Variants in MSRA observed in about 807,000 individuals in gnomAD.
MSRA encodes mitochondrial peptide methionine sulfoxide reductase.
Under a neutral mutation model 31.3 loss-of-function variants are expected in MSRA, and 54 were observed. The observed-to-expected ratio is 1.73, with a 90% confidence interval of 1.39 to 2.17. MSRA has a LOEUF of 2.17. MSRA is among the 30% of genes most tolerant of loss of function. The probability of loss-of-function intolerance (pLI) is 0.00; values close to 1 mark genes in which losing one functional copy is unlikely to be tolerated. For missense variants in MSRA, 507 were observed against 300.9 expected (o/e 1.69, Z -5.07); for synonymous variants, 169 against 116.5 (o/e 1.45, Z -2.90).
intron 5 of MSRA, among the ~76,000 whole-genome samples, chr8:10,421,513 C>T (rs957104303): frequency 6.6e-6 from 1 of 151,916 alleles, no homozygotes; most frequent in African/African-American, 2.4e-5. Flanking sequence ...GAGCGTGTCA[C>T]CTCCATGTAA....
chr8:10,246,514 AAC>A (rs551517749), intron 3 of MSRA, among the ~76,000 whole-genome samples: 321 of 152,344 alleles, frequency 2.1e-3, no homozygotes, highest in Non-Finnish European at 3.2e-3. Context: ...GTAAAATGTA[AAC>A]AGTTTTATCT....
intron 5 of MSRA, among the ~76,000 whole-genome samples, chr8:10,381,370 G>A (rs1256147148): frequency 1.3e-5 from 2 of 152,164 alleles, no homozygotes; most frequent in Non-Finnish European, 2.9e-5. Flanking sequence ...TAGCCAGGAA[G>A]TTTTTGGTTT....
rs117842201 is a variant in MSRA, at chr8:10,076,064, G to T, written c.142+21406G>T. 6.5e-3 allele frequency among the ~76,000 whole-genome samples: 966 copies of T among 149,686 alleles called. 30 individuals are homozygous for T. In the South Asian group the frequency reaches 0.1, roughly 15 times the overall value. ...CACAGGGACTTCACGTCTGGACTGC[G>T]AGTCAGAGCTGTGCGTCATGTGCTT... On this transcript the variant is annotated intron_variant, in intron 1 of 5. Transcript: ENST00000317173.
At chr8:10,241,339 A>C (rs923864501) in intron 2 of MSRA, among the ~76,000 whole-genome samples, 4 of 152,172 alleles carry the variant, frequency 2.6e-5, no homozygotes, top group Admixed American at 2.6e-4. Context: ...AGAAGGAGCC[A>C]ATTTGAAGAG....
intron 1 of MSRA, among the ~76,000 whole-genome samples, chr8:10,161,245 T>A (rs1418453070): frequency 6.6e-6 from 1 of 152,192 alleles, no homozygotes; most frequent in Non-Finnish European, 1.5e-5. Context: ...TGAGAATATT[T>A]ATATAATTAA....
intron 1 of MSRA, among the ~76,000 whole-genome samples, chr8:10,056,297 C>G (rs1024321810): frequency 6.6e-6 from 1 of 150,662 alleles, no homozygotes; most frequent in African/African-American, 2.4e-5. Flanking sequence ...TTTACTTTGG[C>G]TTTATCTTAA....
chr8:10,235,522 A>C (rs1259985261), intron 2 of MSRA, among the ~76,000 whole-genome samples: 2 of 152,158 alleles, frequency 1.3e-5, no homozygotes, highest in African/African-American at 2.4e-5. Flanking sequence ...AAACTGCAAA[A>C]CAAGATAATA....
At chr8:10,106,350 C>G (rs1394104882) in intron 1 of MSRA, among the ~76,000 whole-genome samples, 3 of 152,168 alleles carry the variant, frequency 2.0e-5, no homozygotes, top group Admixed American at 2.0e-4. Flanking sequence ...CATTGGCTAG[C>G]TTTGATATTT....
At chr8:10,398,388 G>C (rs2129182772) in intron 5 of MSRA, among the ~76,000 whole-genome samples, 1 of 152,312 alleles carries the variant, frequency 6.6e-6, no homozygotes, top group South Asian at 2.1e-4. Flanking sequence ...CTGGTCCCTT[G>C]CCGAGAGAGA....
In MSRA at chr8:10,292,657, G is replaced by A. The variant is rs772848980; in HGVS notation, c.332-8877G>A. Among the ~76,000 whole-genome samples the A allele has an allele frequency of 7.8e-4, 119 of 152,228 alleles. 1 individual carries two copies. Among genetic ancestry groups the A allele is most frequent in the Non-Finnish European group, 1.6e-4 (11 of 68,040 alleles). On this transcript the variant is annotated intron_variant, in intron 3 of 5. Transcript: ENST00000317173. The stretch of plus-strand genomic sequence containing the variant: ...TGGCCGGGCTCTCTCCCTGCACAGC[G>A]CCTCTTCCTGGGGTCCCCAGCTCAG...
chr8:10,378,569 G>T (rs865782130), intron 5 of MSRA, among the ~76,000 whole-genome samples: 1 of 152,194 alleles, frequency 6.6e-6, no homozygotes, highest in African/African-American at 2.4e-5. Context: ...ACCCAAGCTG[G>T]CTTCATCTCC....
At chr8:10,298,188 T>C (rs1013995534) in intron 3 of MSRA, among the ~76,000 whole-genome samples, 1 of 152,236 alleles carries the variant, frequency 6.6e-6, no homozygotes, top group Admixed American at 6.5e-5. Context: ...GTGTTCACAG[T>C]AGCATTGTTT....
Position 10,181,386 on chromosome 8 carries a change from G to T in MSRA, c.143-26447G>T, listed in dbSNP as rs140431423. Among the ~76,000 whole-genome samples the T allele has an allele frequency of 7.0e-3, 1,058 of 151,398 alleles. 16 individuals are homozygous for T. Among genetic ancestry groups the T allele is most frequent in the African/African-American group, 0.024 (987 of 41,180 alleles). ...AATCTTGAGATGATCAAAAGACAGC[G>T]TGCAGTATAGCTTGTGCACACGTAC... On this transcript the variant is annotated intron_variant, in intron 1 of 5. Transcript: ENST00000317173.
At chr8:10,131,430 A>T (rs1801887621) in intron 1 of MSRA, among the ~76,000 whole-genome samples, 1 of 152,232 alleles carries the variant, frequency 6.6e-6, no homozygotes, top group East Asian at 1.9e-4. Context: ...GGAAGAAAAG[A>T]AGACTTATTG....
intron 5 of MSRA, among the ~76,000 whole-genome samples, chr8:10,400,949 C>A (rs537759454): frequency 6.6e-6 from 1 of 152,312 alleles, no homozygotes; most frequent in South Asian, 2.1e-4. Context: ...GGAAAGTCTT[C>A]ACTGGATTTG....
chr8:10,073,310 A>T (rs948626621), intron 1 of MSRA, among the ~76,000 whole-genome samples: 2 of 152,086 alleles, frequency 1.3e-5, no homozygotes, highest in Non-Finnish European at 2.9e-5. Context: ...TAACTTCCTC[A>T]GTGTTTTTAT....
At chr8:10,273,650 TTCTC>T (rs1461500989) in intron 3 of MSRA, among the ~76,000 whole-genome samples, 3 of 152,156 alleles carry the variant, frequency 2.0e-5, no homozygotes, top group East Asian at 1.9e-4. Flanking sequence ...TTCTCATTCT[TTCTC>T]TATAATTGTA....
chr8:10,425,417 C>T (rs1809090142), intron 5 of MSRA, among the ~76,000 whole-genome samples: 1 of 152,232 alleles, frequency 6.6e-6, no homozygotes, highest in Non-Finnish European at 1.5e-5. Flanking sequence ...AAGGGGGTCC[C>T]TGGGCCTGCA....
intron 1 of MSRA, among the ~76,000 whole-genome samples, chr8:10,106,506 A>G (rs1799893114): frequency 6.6e-6 from 1 of 152,206 alleles, no homozygotes; most frequent in Non-Finnish European, 1.5e-5. Flanking sequence ...TTTAATTACA[A>G]ACCCTGTTTT....
Sources: allele counts gnomAD v4.1 joint callset (sites outside exome capture counted in the v4.1 genomes callset), GRCh38; gene constraint gnomAD v4.1.1; transcripts MANE v1.5; gene names NCBI Gene and HGNC (gene_info 2026-07-23, HGNC 2026-07-21).